CSMD1: variants seen among roughly 807,000 people sequenced by gnomAD.
The protein encoded by CSMD1 is CUB and Sushi multiple domains 1.
Under a neutral mutation model 417.5 loss-of-function variants are expected in CSMD1, and 213 were observed. That is an observed-to-expected ratio of 0.51 (90% CI 0.46 to 0.57). The LOEUF (loss-of-function observed/expected upper bound fraction) is 0.57, where lower values mean the gene tolerates loss of function less well. Ranked by LOEUF, CSMD1 falls within the 20% of genes least tolerant of loss-of-function variation. The probability of loss-of-function intolerance (pLI) is 0.00; values close to 1 mark genes in which losing one functional copy is unlikely to be tolerated. For missense variants in CSMD1, 6,923 were observed against 4,529.7 expected, an observed-to-expected ratio of 1.53 and a Z score of -15.17; for synonymous variants, 2,862 against 1,736.8, an observed-to-expected ratio of 1.65 and a Z score of -16.11.
chr8:3,874,865 A>G (rs1805708493), intron 5 of CSMD1, among the ~76,000 whole-genome samples: 1 of 152,128 alleles, frequency 6.6e-6, no homozygotes. Context: ...AGAAAACGGC[A>G]AAGGGTGGTG....
At chr8:4,606,028 T>A (rs1477356659) in intron 2 of CSMD1, among the ~76,000 whole-genome samples, 1 of 152,098 alleles carries the variant, frequency 6.6e-6, no homozygotes, top group Non-Finnish European at 1.5e-5. Flanking sequence ...CTGACAGGAA[T>A]GGTTGGAGTC....
At chr8:3,086,099 A>C (rs187221703) in intron 49 of CSMD1, among the ~76,000 whole-genome samples, 6 of 152,318 alleles carry the variant, frequency 3.9e-5, no homozygotes, top group Admixed American at 3.9e-4. Context: ...CTTCAGCAAC[A>C]GATTCTACGA....
chr8:4,088,332 A>C (rs1800530203), intron 3 of CSMD1, among the ~76,000 whole-genome samples: 1 of 152,198 alleles, frequency 6.6e-6, no homozygotes. Context: ...TTGATTTACC[A>C]TACTGGCTTT....
chr8:3,482,136 C>G (rs1817782493), intron 11 of CSMD1, among the ~76,000 whole-genome samples: 1 of 152,074 alleles, frequency 6.6e-6, no homozygotes, highest in Admixed American at 6.5e-5. Flanking sequence ...GAATGAGAAC[C>G]AGAAATAAAG....
chr8:3,565,758 G>C (rs1403312862), intron 10 of CSMD1, among the ~76,000 whole-genome samples: 11 of 151,574 alleles, frequency 7.3e-5, no homozygotes, highest in African/African-American at 9.8e-5. Flanking sequence ...GAAACGTGTA[G>C]TGTAAAAACA....
At chr8:3,373,319 C>A (rs6995892) in intron 18 of CSMD1, 68,072 of 152,036 alleles carry the variant, frequency 0.45, 15,549 homozygotes, top group South Asian at 0.54. Flanking sequence ...CCGGAAATCA[C>A]TGACCAGCCC....
intron 3 of CSMD1, among the ~76,000 whole-genome samples, chr8:4,126,240 C>G (rs750427600): frequency 6.6e-6 from 1 of 152,160 alleles, no homozygotes; most frequent in South Asian, 2.1e-4. Context: ...AATAATAAAA[C>G]TCCAGTCTCC....
chr8:3,179,222 G>A (rs1376551811), intron 37 of CSMD1, among the ~76,000 whole-genome samples: 1 of 152,014 alleles, frequency 6.6e-6, no homozygotes, highest in Non-Finnish European at 1.5e-5. Flanking sequence ...TGGGATTACA[G>A]GCGTGAGCCA....
intron 5 of CSMD1, among the ~76,000 whole-genome samples, chr8:3,961,907 G>A (rs1400898229): frequency 6.6e-6 from 1 of 152,172 alleles, no homozygotes; most frequent in African/African-American, 2.4e-5. Context: ...TTGAGTCATT[G>A]CTCAAAAACG....
intron 3 of CSMD1, among the ~76,000 whole-genome samples, chr8:4,123,030 G>A (rs529555017): frequency 1.3e-3 from 195 of 152,322 alleles, no homozygotes; most frequent in Admixed American, 3.4e-3. Context: ...TACAATCAGA[G>A]ACTGGAATTT....
chr8:3,739,570 G>A (rs963498570), intron 6 of CSMD1, among the ~76,000 whole-genome samples: 12 of 152,086 alleles, frequency 7.9e-5, no homozygotes, highest in Non-Finnish European at 1.5e-4. Context: ...GATTAAATCT[G>A]GGAATGCTTA....
rs533423636 is a variant in CSMD1, at chr8:2,980,500, C to T, written c.8378-1700G>A. Among the ~76,000 whole-genome samples the T allele has an allele frequency of 2.3e-4, 35 of 152,210 alleles. 1 individual carries two copies. In the South Asian group the frequency reaches 7.3e-3, roughly 32 times the overall value. ...TCCTCCTCCTTCTCTTTCTCCTCCT[C>T]CTTATCATTTTCATCTTCTCTTTGG... On this transcript the variant is annotated intron_variant, in intron 54 of 69. Coordinates refer to ENST00000635120, the MANE Select transcript of CSMD1 (RefSeq NM_033225.6).
intron 3 of CSMD1, among the ~76,000 whole-genome samples, chr8:4,093,962 T>G (rs982089428): frequency 3.5e-5 from 4 of 115,068 alleles, no homozygotes; most frequent in Non-Finnish European, 7.4e-5. Context: ...AGACTACATC[T>G]CAAATAGATA....
chr8:3,236,810 T>C (rs1295735660), intron 26 of CSMD1, among the ~76,000 whole-genome samples: 4 of 152,160 alleles, frequency 2.6e-5, no homozygotes, highest in African/African-American at 7.2e-5. Flanking sequence ...AAAGAAAACA[T>C]TTTCAGTTGC....
At chr8:3,333,379 C>T (rs545024370) in intron 23 of CSMD1, among the ~76,000 whole-genome samples, 1,441 of 53,940 alleles carry the variant, frequency 0.027, 16 homozygotes, top group Non-Finnish European at 0.037. Flanking sequence ...TTTGAAAACA[C>T]TTTAAAACAC....
At chr8:4,926,648 C>G in intron 1 of CSMD1, among the ~76,000 whole-genome samples, 1 of 151,980 alleles carries the variant, frequency 6.6e-6, no homozygotes, top group East Asian at 1.9e-4. Context: ...GATTTCCTTG[C>G]AAAAAAATAT....
Position 3,308,463 on chromosome 8 carries a change from G to C in CSMD1, c.3672C>G (p.Asn1224Lys). 4.3e-6 allele frequency: 7 copies of C among 1,613,594 alleles called. No individual in the cohort carries two copies. The Middle Eastern group carries it at 6.6e-4, about 152-fold the overall frequency. The change falls in exon 24 of 70, where the codon AAC (asparagine) becomes AAG (lysine). Residue 1224 changes from asparagine to lysine, a missense_variant. By Grantham distance (94) the Asn-to-Lys change is moderately conservative. Transcript: ENST00000635120. The part of the protein sequence containing the change: ...LVKCEDPGIP[N>K]YGYRIRDEGH... The stretch of plus-strand genomic sequence containing the variant: ...CTTCATCACGGATCCTATAGCCGTA[G>C]TTAGGGATGCCCGGATCCTCACATT...
chr8:4,233,051 C>G (rs939985451), intron 3 of CSMD1, among the ~76,000 whole-genome samples: 1 of 152,156 alleles, frequency 6.6e-6, no homozygotes, highest in Non-Finnish European at 1.5e-5. Context: ...GGATATGTTG[C>G]TCTAGGTTTA....
At chr8:4,090,855 C>T (rs1349536097) in intron 3 of CSMD1, among the ~76,000 whole-genome samples, 1 of 151,492 alleles carries the variant, frequency 6.6e-6, no homozygotes, top group African/African-American at 2.4e-5. Context: ...CGAAGGGATG[C>T]CATAACTATT....
Sources: allele counts gnomAD v4.1 joint callset (sites outside exome capture counted in the v4.1 genomes callset), GRCh38; gene constraint gnomAD v4.1.1; transcripts MANE v1.5; gene names NCBI Gene and HGNC (gene_info 2026-07-23, HGNC 2026-07-21).